The following EVC2 variants were observed in gnomAD, a reference collection of about 807,000 sequenced individuals.
EVC2 encodes EvC ciliary complex subunit 2.
In EVC2, 148 loss-of-function variants were observed where a neutral mutation model predicts 149.3. The observed-to-expected ratio is 0.99, with a 90% CI of 0.87 to 1.14. The LOEUF is 1.14. Ranked by LOEUF, EVC2 falls within the 50% of genes most tolerant of loss-of-function variation. The pLI, the probability that EVC2 is intolerant of heterozygous loss-of-function variation, is 0.00. For synonymous variants in EVC2, 776 were observed against 649.9 expected, an observed-to-expected ratio of 1.19 and a Z score of -2.95; for missense variants, 1,854 against 1,627.3, an observed-to-expected ratio of 1.14 and a Z score of -2.40.
chr4:5,598,083 G>A (rs902425168), intron 16 of EVC2, among the ~76,000 whole-genome samples: 11 of 148,510 alleles, frequency 7.4e-5, no homozygotes, highest in African/African-American at 2.7e-4. Context: ...ACAAAGAAAT[G>A]GAAGAACATT....
chr4:5,669,781 G>C (rs985385923), intron 7 of EVC2, among the ~76,000 whole-genome samples: 1 of 152,232 alleles, frequency 6.6e-6, no homozygotes, highest in African/African-American at 2.4e-5. Flanking sequence ...AGAAACTGAA[G>C]AGTAGAGGTA....
exon 22 of EVC2, chr4:5,543,052 G>T (rs1302073489): frequency 1.0e-6 from 1 of 974,608 alleles, no homozygotes; most frequent in Non-Finnish European, 1.4e-6. Context: ...TTACTATTAC[G>T]CAAACAGAGG....
At chr4:5,550,889 A>G (rs1577088273) in intron 21 of EVC2, among the ~76,000 whole-genome samples, 1 of 152,260 alleles carries the variant, frequency 6.6e-6, no homozygotes, top group South Asian at 2.1e-4. Context: ...CATAGAGCTC[A>G]GGCTGTGGCT....
chr4:5,666,401 T>C (rs1031803067), intron 7 of EVC2, among the ~76,000 whole-genome samples: 3 of 152,228 alleles, frequency 2.0e-5, no homozygotes, highest in Admixed American at 2.0e-4. Flanking sequence ...CAAAGGAGTG[T>C]GTTCCTAATT....
chr4:5,675,282 G>C (rs1719915625), intron 7 of EVC2, among the ~76,000 whole-genome samples: 1 of 152,092 alleles, frequency 6.6e-6, no homozygotes, highest in Non-Finnish European at 1.5e-5. Context: ...CATCCTAGTA[G>C]CCCATATTTA....
At chr4:5,702,126 C>T (rs34939401) in intron 1 of EVC2, among the ~76,000 whole-genome samples, 8 of 152,100 alleles carry the variant, frequency 5.3e-5, no homozygotes, top group East Asian at 1.9e-4. Flanking sequence ...GAACAACTGT[C>T]GGAGTCCTGG....
chr4:5,621,526 C>T (rs569922371), intron 14 of EVC2, among the ~76,000 whole-genome samples: 13 of 152,178 alleles, frequency 8.5e-5, no homozygotes, highest in Non-Finnish European at 1.5e-4. Context: ...TTAGAGGCCC[C>T]TCCAGTTTCC....
intron 14 of EVC2, among the ~76,000 whole-genome samples, chr4:5,619,624 T>C (rs1715531748): frequency 6.6e-6 from 1 of 152,226 alleles, no homozygotes; most frequent in African/African-American, 2.4e-5. Flanking sequence ...TACTTTGTTA[T>C]GGTAGTGTTA....
the EVC2 span, among the ~76,000 whole-genome samples, chr4:5,536,598 C>G: frequency 6.6e-6 from 1 of 152,084 alleles, no homozygotes; most frequent in Non-Finnish European, 1.5e-5. Flanking sequence ...TCTTGGCTAA[C>G]ATGGTGAAAC....
At chr4:5,684,352 C>T (rs73067741) in intron 6 of EVC2, among the ~76,000 whole-genome samples, 9,538 of 152,194 alleles carry the variant, frequency 0.063, 376 homozygotes, top group East Asian at 0.2. Context: ...ACACTGGCCT[C>T]GCAGCCTCAG....
intron 16 of EVC2, among the ~76,000 whole-genome samples, chr4:5,605,820 G>C (rs975938290): frequency 6.6e-6 from 1 of 152,142 alleles, no homozygotes; most frequent in Non-Finnish European, 1.5e-5. Context: ...CACTGGGGAG[G>C]GTGGCGGGAC....
At chr4:5,544,651 C>T (rs540959212) in intron 21 of EVC2, among the ~76,000 whole-genome samples, 2 of 152,154 alleles carry the variant, frequency 1.3e-5, no homozygotes, top group Admixed American at 6.5e-5. Flanking sequence ...CAGAGTTCTC[C>T]GCATATCACA....
chr4:5,689,471 GCC>G, intron 4 of EVC2, 128 bp from the exon 5 acceptor site: 1 of 943,456 alleles, frequency 1.1e-6, no homozygotes, highest in Non-Finnish European at 1.7e-6. Context: ...CTCGCAGAGG[GCC>G]TGGGAATTTA....
At chr4:5,654,769 TG>T (rs931344645) in intron 9 of EVC2, among the ~76,000 whole-genome samples, 1 of 152,152 alleles carries the variant, frequency 6.6e-6, no homozygotes, top group Non-Finnish European at 1.5e-5. Flanking sequence ...GAGACCACTC[TG>T]TTGTTGAGTC....
chr4:5,627,631 G>C (rs1716213794), intron 12 of EVC2, among the ~76,000 whole-genome samples: 1 of 152,112 alleles, frequency 6.6e-6, no homozygotes, highest in Non-Finnish European at 1.5e-5. Context: ...AATAAATTTT[G>C]TTCTTTACAA....
intron 16 of EVC2, among the ~76,000 whole-genome samples, chr4:5,607,608 G>A (rs996448739): frequency 2.0e-5 from 3 of 152,098 alleles, no homozygotes; most frequent in African/African-American, 7.2e-5. Context: ...CAGAAAAAGT[G>A]GCAGCCAGAG....
intron 16 of EVC2, among the ~76,000 whole-genome samples, chr4:5,599,230 C>G (rs2108808134): frequency 6.6e-6 from 1 of 150,428 alleles, no homozygotes; most frequent in African/African-American, 2.5e-5. Flanking sequence ...GGTATATACC[C>G]AAAGGTCTAT....
intron 16 of EVC2, among the ~76,000 whole-genome samples, chr4:5,590,202 C>A (rs1356373767): frequency 6.6e-6 from 1 of 152,094 alleles, no homozygotes; most frequent in Non-Finnish European, 1.5e-5. Flanking sequence ...AGGCCCTGAA[C>A]TGTCAGGGAC....
At chr4:5,536,062 T>A in the EVC2 span, among the ~76,000 whole-genome samples, 1 of 151,872 alleles carries the variant, frequency 6.6e-6, no homozygotes, top group Non-Finnish European at 1.5e-5. Flanking sequence ...TGCTTGGAAT[T>A]TTTTCCCATG....
Sources: gnomAD v4.1 joint callset for allele counts (sites outside exome capture counted in the v4.1 genomes callset) on GRCh38, gnomAD v4.1.1 for gene constraint, MANE v1.5 for transcripts, NCBI Gene and HGNC (gene_info 2026-07-23, HGNC 2026-07-21) for gene names.